Variants in EML5 observed in about 807,000 individuals in gnomAD.
EML5 encodes the protein echinoderm microtubule-associated protein-like 5.
Under a neutral mutation model 250.0 loss-of-function variants are expected in EML5, and 120 were observed. The ratio of observed to expected loss-of-function variants is 0.48; its 90% CI spans 0.41 to 0.56. The LOEUF (loss-of-function observed/expected upper bound fraction) is 0.56, where lower values mean the gene tolerates loss of function less well. Among genes scored for constraint, EML5 ranks in the 20% least tolerant of loss-of-function variants. The pLI, the probability that EML5 is intolerant of heterozygous loss-of-function variation, is 0.00. For missense variants in EML5, 2,006 were observed against 2,437.6 expected (o/e 0.82, Z 3.73); for synonymous variants, 771 against 806.5 (o/e 0.96, Z 0.75).
rs869102758 is a variant in EML5, at chr14:88,660,121, AT to A, written c.3675+1532del. ...GGAGACCCCATCTCTACAAAAAAAAATTTTTTTTTACATTAGCCAGGCATGG... is the reference window on the plus strand; with the variant it reads ...GGAGACCCCATCTCTACAAAAAAAAATTTTTTTTACATTAGCCAGGCATGG... On this transcript the variant is annotated intron_variant, in intron 25 of 43. Transcript: ENST00000554922. 6.0e-5 allele frequency among the ~76,000 whole-genome samples: 9 copies of A among 151,094 alleles called. No individual in the cohort carries two copies. The East Asian group carries it at 7.8e-4, about 13-fold the overall frequency.
At chr14:88,717,545 T>A (rs1200291787) in intron 8 of EML5, among the ~76,000 whole-genome samples, 2 of 151,738 alleles carry the variant, frequency 1.3e-5, no homozygotes, top group Admixed American at 6.6e-5. Flanking sequence ...GATCACAAGA[T>A]CAGAGAGAGA....
chr14:88,687,424 T>C (rs374738032), intron 18 of EML5, 97 bp from the exon 19 acceptor site: 16 of 811,700 alleles, frequency 2.0e-5, no homozygotes, highest in Middle Eastern at 6.7e-4. Context: ...AAAAAGAACA[T>C]AGTCAAAAGT....
intron 22 of EML5, 139 bp from the exon 23 acceptor site, chr14:88,664,763 A>G: frequency 1.2e-6 from 1 of 802,438 alleles, no homozygotes; most frequent in Non-Finnish European, 1.9e-6. Context: ...GATGTGTTAA[A>G]TAACAAATGA....
At chr14:88,730,720 A>G (rs377200302) in intron 7 of EML5, among the ~76,000 whole-genome samples, 1 of 152,218 alleles carries the variant, frequency 6.6e-6, no homozygotes, top group Admixed American at 6.5e-5. Flanking sequence ...GCATGAAACA[A>G]CTAGAGACAA....
chr14:88,644,905 T>G (rs946496537), intron 29 of EML5, among the ~76,000 whole-genome samples: 5 of 151,804 alleles, frequency 3.3e-5, no homozygotes, highest in Admixed American at 3.3e-4. Flanking sequence ...AGAGACGGGG[T>G]TTCACCATGT....
At chr14:88,629,555 C>A (rs1489711323) in intron 33 of EML5, among the ~76,000 whole-genome samples, 3 of 152,146 alleles carry the variant, frequency 2.0e-5, no homozygotes, top group Admixed American at 6.5e-5. Context: ...ATTATATTTT[C>A]TCCTATCATT....
At chr14:88,746,327 C>G (rs372630387) in intron 2 of EML5, 44 bp from the exon 3 acceptor site, 60 of 1,501,762 alleles carry the variant, frequency 4.0e-5, no homozygotes, top group Non-Finnish European at 5.1e-5. Flanking sequence ...AAAAGGCAAA[C>G]AAATCAAAGA....
intron 28 of EML5, among the ~76,000 whole-genome samples, chr14:88,649,107 G>A (rs2091498276): frequency 6.6e-6 from 1 of 151,610 alleles, no homozygotes; most frequent in Non-Finnish European, 1.5e-5. Flanking sequence ...ACAGCTCACT[G>A]CAGCCTCAAA....
intron 1 of EML5, among the ~76,000 whole-genome samples, chr14:88,772,283 TTC>T (rs2094401083): frequency 6.6e-6 from 1 of 152,232 alleles, no homozygotes; most frequent in South Asian, 2.1e-4. Context: ...TTCGGTAGCC[TTC>T]TGTCTACCTA....
chr14:88,695,345 C>G lies in EML5; in HGVS notation c.2438+16G>C, dbSNP rs1203748075. Reference sequence around the variant, plus strand: ...TTCTAGTATTTTGCAAATGTGATATCAAGTTTTTTTCCTACCTTGCTATTG... The same window carrying G: ...TTCTAGTATTTTGCAAATGTGATATGAAGTTTTTTTCCTACCTTGCTATTG... On this transcript the variant is annotated intron_variant, in intron 16 of 43. Coordinates refer to ENST00000554922, the MANE Select transcript of EML5 (RefSeq NM_183387.3). 10 of 1,595,438 alleles carry G rather than the reference C, an allele frequency of 6.3e-6. No homozygotes were observed. Among genetic ancestry groups the G allele is most frequent in the Admixed American group, 5.3e-5 (3 of 56,708 alleles).
chr14:88,778,022 A>G (rs2094463538), intron 1 of EML5, among the ~76,000 whole-genome samples: 1 of 152,254 alleles, frequency 6.6e-6, no homozygotes, highest in South Asian at 2.1e-4. Flanking sequence ...GTTAGGGCAT[A>G]GAGTTTTTGT....
At chr14:88,700,827 G>C (rs1369480244) in intron 14 of EML5, among the ~76,000 whole-genome samples, 1 of 152,170 alleles carries the variant, frequency 6.6e-6, no homozygotes, top group Non-Finnish European at 1.5e-5. Context: ...CCCAGTTTGT[G>C]TTAATATATA....
chr14:88,690,317 A>G (rs1455279680), intron 17 of EML5, among the ~76,000 whole-genome samples: 2 of 152,348 alleles, frequency 1.3e-5, no homozygotes, highest in East Asian at 3.9e-4. Context: ...GTTCATTCTG[A>G]CTTCTGGATT....
At chr14:88,657,529 T>C (rs2140900288) in intron 26 of EML5, 27 bp from the exon 27 acceptor site, 19 of 1,567,542 alleles carry the variant, frequency 1.2e-5, no homozygotes, top group Non-Finnish European at 1.6e-5. Flanking sequence ...CGAGTAATTC[T>C]TTAAGCAATA....
At chr14:88,782,387 A>G (rs2094506286) in intron 1 of EML5, among the ~76,000 whole-genome samples, 1 of 152,228 alleles carries the variant, frequency 6.6e-6, no homozygotes, top group Non-Finnish European at 1.5e-5. Flanking sequence ...GTAGAAAAGA[A>G]AAACCCATTT....
At chr14:88,756,032 G>A (rs1259587136) in intron 1 of EML5, among the ~76,000 whole-genome samples, 1 of 152,026 alleles carries the variant, frequency 6.6e-6, no homozygotes, top group Non-Finnish European at 1.5e-5. Flanking sequence ...AAATAAAGAA[G>A]ATAAAATTAA....
chr14:88,696,164 A>AATATATAT (rs10551487), intron 15 of EML5, among the ~76,000 whole-genome samples: 52 of 147,350 alleles, frequency 3.5e-4, no homozygotes, highest in Non-Finnish European at 5.6e-4. Context: ...CAACTCTTTG[A>AATATATAT]ATATATATAT....
chr14:88,730,748 T>C (rs994227542), intron 7 of EML5, among the ~76,000 whole-genome samples: 28 of 152,134 alleles, frequency 1.8e-4, no homozygotes, highest in African/African-American at 6.3e-4. Context: ...TTCAAAATCA[T>C]TGAGAAAACA....
At chr14:88,678,030 T>C (rs2092634947) in intron 21 of EML5, among the ~76,000 whole-genome samples, 1 of 152,084 alleles carries the variant, frequency 6.6e-6, no homozygotes, top group Non-Finnish European at 1.5e-5. Flanking sequence ...AACAAAGACA[T>C]GGAATCAACT....
Sources: gnomAD v4.1 joint callset for allele counts (sites outside exome capture counted in the v4.1 genomes callset) on GRCh38, gnomAD v4.1.1 for gene constraint, MANE v1.5 for transcripts, NCBI Gene and HGNC (gene_info 2026-07-23, HGNC 2026-07-21) for gene names.